Variants in NLRP13 observed in about 807,000 individuals in gnomAD.
The protein encoded by NLRP13 is NLR family pyrin domain containing 13, also known as NACHT, LRR and PYD domains-containing protein 13.
NLRP13 carries 82 observed loss-of-function variants against 94.4 expected under a neutral mutation model. That is an observed-to-expected ratio of 0.87 (90% CI 0.73 to 1.04). NLRP13 has a LOEUF of 1.04. NLRP13 is among the 50% of genes least tolerant of loss of function. The pLI, the probability that NLRP13 is intolerant of heterozygous loss-of-function variation, is 0.00. For missense variants in NLRP13, 1,426 were observed against 1,230.8 expected (o/e 1.16, Z -2.37); for synonymous variants, 553 against 464.7 (o/e 1.19, Z -2.45).
intron 1 of NLRP13, among the ~76,000 whole-genome samples, chr19:55,931,718 A>AGACAG: frequency 0.034 from 3,177 of 92,748 alleles, 208 homozygotes; most frequent in Middle Eastern, 0.054. Flanking sequence ...TCAAAAAAAA[A>AGACAG]AAAAAAAGAA....
rs146816217 is a variant in NLRP13 at position 55,899,122 on chromosome 19, G to A, written c.2790-185C>T. On this transcript the variant is annotated intron_variant, in intron 9 of 10. Transcript: ENST00000342929. ...ACACCTCCAGGTGCTCTATTTACCT[G>A]AGATAGAAAGCCGAGGGCACAGCAA... Among the ~76,000 whole-genome samples, 9 of 152,068 alleles carry A rather than the reference G, an allele frequency of 5.9e-5. No individual in the cohort carries two copies. In the East Asian group the frequency reaches 1.7e-3, roughly 30 times the overall value.
Position 55,911,918 on chromosome 19 carries a change from A to T in NLRP13, c.1899T>A (p.Phe633Leu). 1 of 1,614,150 alleles carries T rather than the reference A, an allele frequency of 6.2e-7. No homozygotes were observed. Among genetic ancestry groups the T allele is most frequent in the Non-Finnish European group, 8.5e-7 (1 of 1,179,990 alleles). ...LGKAESASLQ[F>L]HILRLFHCLH... ...GGCAGTGAAAAAGTCGTAGAATGTG[A>T]AATTGGAGAGAGGCACTTTCAGCCT... The change falls in exon 5 of 11, where the codon TTT becomes TTA. Residue 633 changes from phenylalanine (F) to leucine (L), a missense_variant. Physicochemically the swap from Phe to Leu is conservative, Grantham distance 22. Transcript: ENST00000342929.
chr19:55,908,837 A>G (rs1354170393), intron 6 of NLRP13, among the ~76,000 whole-genome samples: 1 of 152,196 alleles, frequency 6.6e-6, no homozygotes, highest in Non-Finnish European at 1.5e-5. Context: ...TATCTGGGTG[A>G]TGAAATAATC....
Position 55,932,033 on chromosome 19 carries a change from A to T in NLRP13, c.279T>A (p.Asn93Lys). 2 of 1,613,972 alleles carry T rather than the reference A, an allele frequency of 1.2e-6. No individual in the cohort carries two copies. The highest frequency in any genetic ancestry group is 1.7e-6 in the Non-Finnish European group (2 of 1,180,002). The change falls in exon 1 of 11, where the codon AAT (asparagine) becomes AAA (lysine). Residue 93 changes from asparagine (N) to lysine (K), a missense_variant. By Grantham distance (94) the Asn-to-Lys change is moderately conservative (BLOSUM62 0). Transcript: ENST00000342929. The stretch of plus-strand genomic sequence containing the variant: ...TAACTTTCTCACACAGTGAGGTCAG[A>T]TTCATTGTCTGGAAGATGCCGAGGA... The part of the protein sequence containing the change: ...KVVLGIFQTM[N>K]LTSLCEKVRA...
At chr19:55,921,959 G>A (rs186010319) in intron 4 of NLRP13, among the ~76,000 whole-genome samples, 1 of 152,324 alleles carries the variant, frequency 6.6e-6, no homozygotes, top group African/African-American at 2.4e-5. Context: ...ATACCCAAGA[G>A]TAGGTAATTT....
At chr19:55,896,158 CTG>C (rs1360951702) in intron 10 of NLRP13, 39 bp from the exon 11 acceptor site, 1 of 1,600,682 alleles carries the variant, frequency 6.2e-7, no homozygotes, top group Admixed American at 1.7e-5. Flanking sequence ...AGATAGTCCT[CTG>C]AGACTGGGAA....
downstream of NLRP13, among the ~76,000 whole-genome samples, chr19:55,893,417 C>T (rs908752637): frequency 6.6e-6 from 1 of 152,094 alleles, no homozygotes; most frequent in Non-Finnish European, 1.5e-5. Flanking sequence ...AAAACCATTA[C>T]TTTAAAACCA....
Position 55,913,304 on chromosome 19 carries a change from C to A in NLRP13, c.524-11G>T, listed in dbSNP as rs141648586. The A allele has an allele frequency of 6.2e-6, 10 of 1,605,414 alleles. No individual in the cohort carries two copies. The highest frequency in any genetic ancestry group is 8.5e-6 in the Non-Finnish European group (10 of 1,175,174). The stretch of plus-strand genomic sequence containing the variant: ...ATTTTCTTCTGTGGTCTAGAGAGGG[C>A]GGAGTGGGGAGAAGAATGGTAAGAA... On this transcript the variant is annotated splice_polypyrimidine_tract_variant and intron_variant, in intron 4 of 10. Transcript: ENST00000342929.
chr19:55,922,246 A>C (rs1271116814), intron 4 of NLRP13, among the ~76,000 whole-genome samples: 1 of 152,056 alleles, frequency 6.6e-6, no homozygotes, highest in Non-Finnish European at 1.5e-5. Flanking sequence ...ATTCAAGATG[A>C]GATTTCGGTG....
chr19:55,915,043 T>TG (rs781181845), intron 4 of NLRP13, among the ~76,000 whole-genome samples: 9 of 151,972 alleles, frequency 5.9e-5, no homozygotes, highest in Non-Finnish European at 1.2e-4. Context: ...AGCTGGGGAA[T>TG]GGCACGGGGA....
chr19:55,932,111 A>C lies in NLRP13; in HGVS notation c.201T>G (p.Asn67Lys), dbSNP rs1408157910. The C allele has an allele frequency of 3.7e-6, 6 of 1,614,058 alleles. No homozygotes were observed. In the Admixed American group the frequency reaches 6.7e-5, roughly 18 times the overall value. ...WANLRAADPL[N>K]LSFLLDEHFP... ...AGTGTTCATCCAAAAGAAAGGACAG[A>C]TTCAAAGGGTCGGCAGCTCTCAAGT... Residue 67 changes from asparagine to lysine, a missense_variant, in exon 1 of 11, where the codon AAT becomes AAG. Physicochemically the swap from Asn to Lys is moderately conservative, Grantham distance 94. Transcript: ENST00000342929.
chr19:55,892,380 CACACACAT>C (rs1056878000), downstream of NLRP13, among the ~76,000 whole-genome samples: 12 of 51,350 alleles, frequency 2.3e-4, no homozygotes, highest in East Asian at 6.1e-3. Context: ...TATGTATATA[CACACACAT>C]ACACACACAC....
At chr19:55,931,592 C>T (rs1987136709) in intron 1 of NLRP13, among the ~76,000 whole-genome samples, 2 of 150,408 alleles carry the variant, frequency 1.3e-5, no homozygotes, top group South Asian at 2.1e-4. Context: ...GCCTGTAGTC[C>T]CAGCTACTTG....
downstream of NLRP13, among the ~76,000 whole-genome samples, chr19:55,895,217 G>A (rs975107422): frequency 1.3e-4 from 19 of 140,856 alleles, no homozygotes; most frequent in Non-Finnish European, 2.5e-4. Flanking sequence ...AAAAAAGAAA[G>A]AAAAGAAAAA....
intron 8 of NLRP13, among the ~76,000 whole-genome samples, chr19:55,904,703 A>T (rs532796366): frequency 2.0e-5 from 3 of 152,264 alleles, no homozygotes; most frequent in Non-Finnish European, 4.4e-5. Context: ...TTGACCAAAA[A>T]ATTCATTACT....
intron 1 of NLRP13, among the ~76,000 whole-genome samples, chr19:55,928,405 A>T (rs975437666): frequency 2.6e-5 from 4 of 152,206 alleles, no homozygotes; most frequent in Admixed American, 6.5e-5. Context: ...AGAATTTTTT[A>T]AATTTAAGTT....
rs763112371 is a variant in NLRP13 at position 55,896,016 on chromosome 19, C to G, written c.3061G>C (p.Asp1021His). The change falls in exon 11 of 11, where the codon GAT becomes CAT. Residue 1021 changes from aspartate (D) to histidine (H), a missense_variant. By Grantham distance (81) the Asp-to-His change is moderately conservative. Transcript: ENST00000342929. ...VNLNLLGNELDTDGVKMLCKA... is the reference protein window; with the variant it reads ...VNLNLLGNELHTDGVKMLCKA... ...CATAGCATCTTGACACCATCAGTATCCAATTCATTGCCTAGAAGGTTCAGA... is the reference window on the plus strand; with the variant it reads ...CATAGCATCTTGACACCATCAGTATGCAATTCATTGCCTAGAAGGTTCAGA... 1 of 1,614,046 alleles carries G rather than the reference C, an allele frequency of 6.2e-7. No individual in the cohort carries two copies. The highest frequency in any genetic ancestry group is 8.5e-7 in the Non-Finnish European group (1 of 1,180,026).
chr19:55,898,396 G>C (rs1463683418), intron 10 of NLRP13, among the ~76,000 whole-genome samples: 2 of 152,104 alleles, frequency 1.3e-5, no homozygotes, highest in African/African-American at 4.8e-5. Flanking sequence ...TTTTAGTAGA[G>C]ATGGGGTTTC....
rs1986539519 is a variant in NLRP13 at position 55,912,273 on chromosome 19, G to A, written c.1544C>T (p.Ser515Phe). Reference sequence around the variant, plus strand: ...TTGAAGAATATTGAACTCGTAGAGAGAATCAATGAAAGGCACTTCCAGGCC... The same window carrying A: ...TTGAAGAATATTGAACTCGTAGAGAAAATCAATGAAAGGCACTTCCAGGCC... Reference protein sequence around the residue: ...IEGLEVPFIDSLYEFNILQKI... With the variant: ...IEGLEVPFIDFLYEFNILQKI... Residue 515 changes from serine (S) to phenylalanine (F), a missense_variant, in exon 5 of 11, where the codon TCT becomes TTT. By Grantham distance (155) the Ser-to-Phe change is radical. Coordinates refer to ENST00000342929, the MANE Select transcript of NLRP13 (RefSeq NM_176810.2). 3.1e-6 allele frequency: 5 copies of A among 1,614,078 alleles called. No individual in the cohort carries two copies. The highest frequency in any genetic ancestry group is 4.2e-6 in the Non-Finnish European group (5 of 1,179,976).
Sources: allele counts gnomAD v4.1 joint callset (sites outside exome capture counted in the v4.1 genomes callset), GRCh38; gene constraint gnomAD v4.1.1; transcripts MANE v1.5; gene names NCBI Gene and HGNC (gene_info 2026-07-23, HGNC 2026-07-21).